Variants in IGFL3 observed in about 807,000 individuals in gnomAD.
The protein encoded by IGFL3 is insulin growth factor-like family member 3.
Under a neutral mutation model 17.0 loss-of-function variants are expected in IGFL3, and 12 were observed. That is an observed-to-expected ratio of 0.71 (90% CI 0.45 to 1.14). The LOEUF is 1.14. Ranked by LOEUF, IGFL3 falls within the 50% of genes most tolerant of loss-of-function variation. The probability of loss-of-function intolerance (pLI) is 0.00; values close to 1 mark genes in which losing one functional copy is unlikely to be tolerated. For synonymous variants in IGFL3, 52 were observed against 57.4 expected (o/e 0.91, Z 0.42); for missense variants, 153 against 151.6 (o/e 1.01, Z -0.05).
chr19:46,124,076 A>T lies in IGFL3; in HGVS notation c.160T>A (p.Cys54Ser). 1 of 1,611,520 alleles carries T rather than the reference A, an allele frequency of 6.2e-7. No homozygotes were observed. The highest frequency in any genetic ancestry group is 1.7e-5 in the Admixed American group (1 of 59,704). ...GNKIYNPSEQ[C>S]CYDDAILSLK... is the part of the protein sequence containing the mutation. ...GATAAGATGGCATCATCATAACAGC[A>T]CTGCTCTGAAGGGTTGTAGATCTTG... Residue 54 changes from cysteine to serine, a missense_variant, in exon 3 of 4, where the codon TGC (cysteine) becomes AGC (serine). Coordinates refer to ENST00000341415, the MANE Select transcript of IGFL3 (RefSeq NM_207393.2).
rs1375080660 is a variant in IGFL3, at chr19:46,124,493, C to T, written c.25+132G>A. On this transcript the variant is annotated intron_variant, in intron 1 of 3. Coordinates refer to ENST00000341415, the MANE Select transcript of IGFL3 (RefSeq NM_207393.2). ...AGGCCCTGAGCAGCACGCTCAGTCACCCTTTGAGGTGACTAGTAGGGCACA... is the reference window on the plus strand; with the variant it reads ...AGGCCCTGAGCAGCACGCTCAGTCATCCTTTGAGGTGACTAGTAGGGCACA... 3 of 1,149,436 alleles carry T rather than the reference C, an allele frequency of 2.6e-6. 1 individual carries two copies. In the East Asian group the frequency reaches 7.2e-5, roughly 27 times the overall value. 71.2% of individuals were successfully genotyped at this position (1,149,436 alleles called of 1,614,324 possible). A position where few individuals can be genotyped will look rare whatever the true frequency, so the allele number is the denominator to read the frequency against.
Position 46,120,347 on chromosome 19 carries a change from G to A in IGFL3, c.361C>T (p.His121Tyr). 1 of 1,611,120 alleles carries A rather than the reference G, an allele frequency of 6.2e-7. No individual in the cohort carries two copies. Among genetic ancestry groups the A allele is most frequent in the Non-Finnish European group, 8.5e-7 (1 of 1,179,552 alleles). Reference sequence around the variant, plus strand: ...TGGGGTTTTTATGGGTACAGGACGTGCCTCCTGTTCCTATCACAGTGCCCC... The same window carrying A: ...TGGGGTTTTTATGGGTACAGGACGTACCTCCTGTTCCTATCACAGTGCCCC... ...ISRSCTRNRR[H>Y]VLYP Residue 121 changes from histidine (H) to tyrosine (Y), a missense_variant, in exon 4 of 4, where the codon CAC becomes TAC. Physicochemically the swap from His to Tyr is moderately conservative, Grantham distance 83. Transcript: ENST00000341415.
At position 46,120,268 on chromosome 19, in the gene IGFL3, G is replaced by T; in HGVS notation, c.*62C>A. 1.2e-6 allele frequency: 2 copies of T among 1,606,330 alleles called. No individual in the cohort carries two copies. The highest frequency in any genetic ancestry group is 1.7e-6 in the Non-Finnish European group (2 of 1,177,718). ...TCTCCGAAGTTCAACTGTAGTCTCC[G>T]ATGTCCAGCTGCTTCGTCTCTTCTC... On this transcript the variant is annotated 3_prime_UTR_variant, in exon 4 of 4. Coordinates refer to ENST00000341415, the MANE Select transcript of IGFL3 (RefSeq NM_207393.2).
In IGFL3 at chr19:46,124,349, A is replaced by G. The variant is rs758241552; in HGVS notation, c.26-28T>C. On this transcript the variant is annotated intron_variant, in intron 1 of 3. Coordinates refer to ENST00000341415, the MANE Select transcript of IGFL3 (RefSeq NM_207393.2). Reference sequence around the variant, plus strand: ...AAGGGAGAAAGGAAAAAGGTTGAACATGGAGCTGAGAATGTGACAAGTATG... The same window carrying G: ...AAGGGAGAAAGGAAAAAGGTTGAACGTGGAGCTGAGAATGTGACAAGTATG... 67 of 1,590,490 alleles carry G rather than the reference A, an allele frequency of 4.2e-5. 1 individual carries two copies. The highest frequency in any genetic ancestry group is 1.8e-5 in the Non-Finnish European group (21 of 1,161,724).
In IGFL3 at chr19:46,124,614, G is replaced by A; in HGVS notation, c.25+11C>T. 6.2e-7 allele frequency: 1 copy of A among 1,605,258 alleles called. No homozygotes were observed. Among genetic ancestry groups the A allele is most frequent in the Non-Finnish European group, 8.5e-7 (1 of 1,174,516 alleles). ...AGATGAGATGATGTTTGGATTTGGG[G>A]TCCTACTTGCCCAAGATGCAGCATC... On this transcript the variant is annotated intron_variant, in intron 1 of 3. Coordinates refer to ENST00000341415, the MANE Select transcript of IGFL3 (RefSeq NM_207393.2).
chr19:46,124,397 A>C, intron 1 of IGFL3, 76 bp from the exon 2 acceptor site: 20 of 1,441,306 alleles, frequency 1.4e-5, no homozygotes, highest in Non-Finnish European at 1.8e-5. Context: ...AAACAAACAA[A>C]CAGAGGTTAG....
At chr19:46,124,437 G>C in intron 1 of IGFL3, 116 bp from the exon 2 acceptor site, 1 of 1,260,870 alleles carries the variant, frequency 7.9e-7, no homozygotes, top group East Asian at 2.4e-5. Flanking sequence ...TTATCACTTG[G>C]GGCTAAGTCT....
At chr19:46,122,172 C>T (rs1317687936) in intron 3 of IGFL3, among the ~76,000 whole-genome samples, 1 of 150,938 alleles carries the variant, frequency 6.6e-6, no homozygotes, top group South Asian at 2.1e-4. Context: ...CATCCACTTC[C>T]ATTGCCCTGA....
intron 3 of IGFL3, among the ~76,000 whole-genome samples, chr19:46,121,164 G>GC (rs1157392260): frequency 2.0e-5 from 3 of 149,886 alleles, no homozygotes; most frequent in Non-Finnish European, 2.9e-5. Flanking sequence ...AATTGCTTGA[G>GC]CTCAGGGGTT....
intron 3 of IGFL3, among the ~76,000 whole-genome samples, chr19:46,123,581 T>C (rs1259026471): frequency 6.6e-6 from 1 of 150,784 alleles, no homozygotes; most frequent in African/African-American, 2.5e-5. Context: ...GACACTGGAT[T>C]ATTTAGCATG....
chr19:46,120,662 C>T (rs1971709861), intron 3 of IGFL3, among the ~76,000 whole-genome samples: 1 of 150,822 alleles, frequency 6.6e-6, no homozygotes, highest in African/African-American at 2.5e-5. Context: ...AAAACCAATA[C>T]AGAGATATCA....
In IGFL3 at chr19:46,124,008, C is replaced by A; in HGVS notation, c.228G>T (p.Trp76Cys). 6.2e-7 allele frequency: 1 copy of A among 1,611,526 alleles called. No individual in the cohort carries two copies. Among genetic ancestry groups the A allele is most frequent in the African/African-American group, 1.4e-5 (1 of 73,926 alleles). The change falls in exon 3 of 4, where the codon TGG becomes TGT. Residue 76 changes from tryptophan to cysteine, a missense_variant. Coordinates refer to ENST00000341415, the MANE Select transcript of IGFL3 (RefSeq NM_207393.2). ...TRRCGSTCTF[W>C]PCFELCCPES... ...CGGGACAGCAGAGCTCAAAGCAGGGCCAGAAGGTGCAGGTGGAGCCACAGC... is the reference window on the plus strand; with the variant it reads ...CGGGACAGCAGAGCTCAAAGCAGGGACAGAAGGTGCAGGTGGAGCCACAGC...
At position 46,120,339 on chromosome 19, in the gene IGFL3, C is replaced by A; in HGVS notation, c.369G>T (p.Leu123=). The A allele has an allele frequency of 6.2e-7, 1 of 1,611,156 alleles. No homozygotes were observed. The highest frequency in any genetic ancestry group is 8.5e-7 in the Non-Finnish European group (1 of 1,179,566). The change falls in exon 4 of 4, where the codon CTG becomes CTT. Residue 123 remains leucine (L), a synonymous_variant. Transcript: ENST00000341415. Reference sequence around the variant, plus strand: ...GTGGAGCCTGGGGTTTTTATGGGTACAGGACGTGCCTCCTGTTCCTATCAC... The same window carrying A: ...GTGGAGCCTGGGGTTTTTATGGGTAAAGGACGTGCCTCCTGTTCCTATCAC... The part of the protein sequence containing the change: ...RSCTRNRRHV[L]YP
At position 46,123,854 on chromosome 19, in the gene IGFL3, C is replaced by A. The variant is rs186939771; in HGVS notation, c.350+32G>T. ...CTGTATCCCTCATCCCTCCCTCATT[C>A]CTTTAGTTAAGAGCAAGGTAGGGAC... On this transcript the variant is annotated intron_variant, in intron 3 of 3. Transcript: ENST00000341415. The A allele has an allele frequency of 4.5e-4, 703 of 1,577,026 alleles. 49 individuals are homozygous for A. The African/African-American group carries it at 9.1e-3, about 20-fold the overall frequency.
chr19:46,123,785 T>C, intron 3 of IGFL3, 101 bp downstream of exon 3: 4 of 1,331,344 alleles, frequency 3.0e-6, no homozygotes, highest in South Asian at 1.5e-5. Flanking sequence ...GCCTGACTCT[T>C]TTGCCGTTAG....
intron 3 of IGFL3, among the ~76,000 whole-genome samples, chr19:46,121,572 A>AAGG (rs202096422): frequency 0.014 from 2,035 of 150,694 alleles, 62 homozygotes; most frequent in Middle Eastern, 0.031. Flanking sequence ...AGACAAAGAC[A>AAGG]AGAAGAGAGG....
intron 3 of IGFL3, among the ~76,000 whole-genome samples, chr19:46,123,074 A>T (rs1233347058): frequency 6.6e-6 from 1 of 151,174 alleles, no homozygotes; most frequent in Non-Finnish European, 1.5e-5. Flanking sequence ...AAAGATTGGT[A>T]TACCACCACT....
At chr19:46,124,428 T>C (rs1466226121) in intron 1 of IGFL3, 107 bp from the exon 2 acceptor site, 2 of 1,307,494 alleles carry the variant, frequency 1.5e-6, no homozygotes, top group East Asian at 4.8e-5. Context: ...AGGTGGAGAT[T>C]ATCACTTGGG....
intron 2 of IGFL3, 48 bp downstream of exon 2, chr19:46,124,220 T>C: frequency 1.2e-6 from 2 of 1,609,202 alleles, no homozygotes; most frequent in Non-Finnish European, 1.7e-6. Flanking sequence ...CAGTCTCTTT[T>C]CCCAACACCA....
Sources: gnomAD v4.1 joint callset for allele counts (sites outside exome capture counted in the v4.1 genomes callset) on GRCh38, gnomAD v4.1.1 for gene constraint, MANE v1.5 for transcripts, NCBI Gene and HGNC (gene_info 2026-07-23, HGNC 2026-07-21) for gene names.